FNIP1: variants seen among roughly 807,000 people sequenced by gnomAD.
The protein encoded by FNIP1 is folliculin-interacting protein 1.
In FNIP1, 40 loss-of-function variants were observed where a neutral mutation model predicts 124.5. The ratio of observed to expected loss-of-function variants is 0.32; its 90% CI spans 0.25 to 0.42. The LOEUF (loss-of-function observed/expected upper bound fraction) is 0.42. Ranked by LOEUF, FNIP1 falls within the 10% of genes least tolerant of loss-of-function variation. The pLI, the probability that FNIP1 is intolerant of heterozygous loss-of-function variation, is 1.00. For synonymous variants in FNIP1, 472 were observed against 470.6 expected (o/e 1.00, Z -0.04); for missense variants, 1,176 against 1,403.7 (o/e 0.84, Z 2.59).
At chr5:131,662,803 G>A (rs574823308) in intron 15 of FNIP1, among the ~76,000 whole-genome samples, 23 of 133,952 alleles carry the variant, frequency 1.7e-4, no homozygotes, top group African/African-American at 6.6e-4. Flanking sequence ...ACAGTGGCAC[G>A]ATCTTGGCTC....
intron 1 of FNIP1, among the ~76,000 whole-genome samples, chr5:131,785,108 T>TC: frequency 7.3e-5 from 1 of 13,734 alleles, no homozygotes; most frequent in Non-Finnish European, 2.3e-4. Context: ...TGACTATATA[T>TC]ATATCATATA....
chr5:131,739,897 C>T (rs1357381351), intron 2 of FNIP1, among the ~76,000 whole-genome samples: 1 of 151,116 alleles, frequency 6.6e-6, no homozygotes, highest in Admixed American at 6.6e-5. Flanking sequence ...ACTGGCTCAT[C>T]CTCACTGCCC....
At chr5:131,721,116 T>C (rs644964) in intron 3 of FNIP1, among the ~76,000 whole-genome samples, 97,217 of 152,078 alleles carry the variant, frequency 0.64, 33,009 homozygotes, top group Non-Finnish European at 0.77. Context: ...AAATGAAATA[T>C]AATAAATACA....
rs967378032 is a variant in FNIP1 at position 131,643,854 on chromosome 5, G to A, written c.*831C>T. ...CCTAATTTTCATTTATGTTAAATTA[G>A]TGAATATGTAAATATTAATATTTAT... On this transcript the variant is annotated 3_prime_UTR_variant, in exon 18 of 18. Coordinates refer to ENST00000510461, the MANE Select transcript of FNIP1 (RefSeq NM_133372.3). The A allele has an allele frequency of 7.9e-5, 12 of 152,310 alleles. No individual in the cohort carries two copies. Among genetic ancestry groups the A allele is most frequent in the African/African-American group, 2.9e-4 (12 of 41,360 alleles). 9.4% of individuals were successfully genotyped at this position (152,310 alleles called of 1,614,324 possible). A position where few individuals can be genotyped will look rare whatever the true frequency, so the allele number is the denominator to read the frequency against.
At chr5:131,739,310 G>A (rs1182318954) in intron 2 of FNIP1, among the ~76,000 whole-genome samples, 1 of 152,100 alleles carries the variant, frequency 6.6e-6, no homozygotes, top group African/African-American at 2.4e-5. Flanking sequence ...AGACCAGCCT[G>A]GATAAAACAG....
chr5:131,647,194 A>G lies in FNIP1; in HGVS notation c.3318T>C (p.His1106=). The G allele has an allele frequency of 6.2e-7, 1 of 1,613,920 alleles. No homozygotes were observed. The highest frequency in any genetic ancestry group is 8.5e-7 in the Non-Finnish European group (1 of 1,179,854). ...HNLSPNFCVM[H]LEDRLQELYF... ...ATAGCTCCTGCAACCGGTCTTCAAGATGCATTACACACTGCAGTTAGGGAG... is the reference window on the plus strand; with the variant it reads ...ATAGCTCCTGCAACCGGTCTTCAAGGTGCATTACACACTGCAGTTAGGGAG... The change falls in exon 17 of 18, where the codon CAT becomes CAC. Residue 1106 remains histidine (H), a synonymous_variant. Coordinates refer to ENST00000510461, the MANE Select transcript of FNIP1 (RefSeq NM_133372.3).
intron 13 of FNIP1, among the ~76,000 whole-genome samples, chr5:131,676,869 TATGTCATATGACATATTGCC>T (rs1226475385): frequency 3.9e-5 from 6 of 152,304 alleles, no homozygotes; most frequent in Admixed American, 3.3e-4. Context: ...TGAATTGATA[TATGTCATATGACATATTGCC>T]ATATGACAAT....
At chr5:131,765,383 A>G (rs1771385589) in intron 1 of FNIP1, among the ~76,000 whole-genome samples, 1 of 152,224 alleles carries the variant, frequency 6.6e-6, no homozygotes, top group African/African-American at 2.4e-5. Context: ...TTTCTTTCAG[A>G]TGCATCATAA....
intron 1 of FNIP1, among the ~76,000 whole-genome samples, chr5:131,766,083 C>G (rs527545727): frequency 6.6e-6 from 1 of 152,038 alleles, no homozygotes; most frequent in East Asian, 1.9e-4. Flanking sequence ...TCCCTTTCCT[C>G]TATTCTATAG....
chr5:131,677,452 T>C, intron 13 of FNIP1: 2 of 381,734 alleles, frequency 5.2e-6, no homozygotes, highest in Non-Finnish European at 9.5e-6. Flanking sequence ...CCTGAAGATC[T>C]GAAGTTACTA....
At chr5:131,725,783 A>G (rs950408046) in intron 3 of FNIP1, among the ~76,000 whole-genome samples, 1 of 152,204 alleles carries the variant, frequency 6.6e-6, no homozygotes, top group African/African-American at 2.4e-5. Flanking sequence ...CTGGTTTTCA[A>G]AGGGAATGCT....
intron 11 of FNIP1, among the ~76,000 whole-genome samples, chr5:131,685,266 T>C (rs1312464668): frequency 2.6e-5 from 4 of 152,022 alleles, no homozygotes; most frequent in African/African-American, 7.2e-5. Flanking sequence ...AAGGTTCCAG[T>C]GAGCTATCCT....
intron 1 of FNIP1, among the ~76,000 whole-genome samples, chr5:131,792,525 A>T (rs1026909618): frequency 2.6e-5 from 4 of 152,226 alleles, no homozygotes; most frequent in African/African-American, 9.6e-5. Flanking sequence ...GAGTGATCAC[A>T]GAAAGACCAG....
intron 1 of FNIP1, among the ~76,000 whole-genome samples, chr5:131,751,571 G>GGAA (rs1554098444): frequency 7.9e-6 from 1 of 126,830 alleles, no homozygotes; most frequent in Admixed American, 8.2e-5. Context: ...TCCACAATCT[G>GGAA]AAAAAAAAAA....
At chr5:131,722,259 C>T (rs1246364211) in intron 3 of FNIP1, among the ~76,000 whole-genome samples, 2 of 152,114 alleles carry the variant, frequency 1.3e-5, no homozygotes, top group African/African-American at 4.8e-5. Context: ...ATAAGGGAAC[C>T]ATGGTCTCTG....
chr5:131,674,796 C>A (rs1580745268), intron 13 of FNIP1, among the ~76,000 whole-genome samples: 1 of 152,044 alleles, frequency 6.6e-6, no homozygotes, highest in South Asian at 2.1e-4. Context: ...TCAGTATACA[C>A]ATTTAAAATC....
chr5:131,720,014 C>T (rs1209873115), intron 3 of FNIP1, among the ~76,000 whole-genome samples: 1 of 152,156 alleles, frequency 6.6e-6, no homozygotes, highest in Non-Finnish European at 1.5e-5. Context: ...CAGAAGACCA[C>T]AACCTTCTTC....
intron 5 of FNIP1, 77 bp downstream of exon 5, chr5:131,718,908 TC>T (rs1180938522): frequency 8.4e-7 from 1 of 1,191,258 alleles, no homozygotes; most frequent in African/African-American, 1.5e-5. Context: ...TGTGCTGCAG[TC>T]CTAAAAGCAG....
rs377072751 is a variant in FNIP1 at position 131,673,773 on chromosome 5, C to T, written c.1520-849G>A. ...CTCTGGGGCCGGGCACAGTGGCTCA[C>T]GCTTGTAATTCCAGCACTCTGAGAG... On this transcript the variant is annotated intron_variant, in intron 13 of 17. Transcript: ENST00000510461. Among the ~76,000 whole-genome samples, 17 of 152,264 alleles carry T rather than the reference C, an allele frequency of 1.1e-4. No homozygotes were observed. In the East Asian group the frequency reaches 3.3e-3, roughly 29 times the overall value.
Sources: gnomAD v4.1 joint callset for allele counts (sites outside exome capture counted in the v4.1 genomes callset) on GRCh38, gnomAD v4.1.1 for gene constraint, MANE v1.5 for transcripts, NCBI Gene and HGNC (gene_info 2026-07-23, HGNC 2026-07-21) for gene names.